Variants in MYT1L observed in about 807,000 individuals in gnomAD.
The protein encoded by MYT1L is myelin transcription factor 1-like protein.
In MYT1L, 12 loss-of-function variants were observed where a neutral mutation model predicts 126.7. That is an observed-to-expected ratio of 0.09 (90% confidence interval 0.06 to 0.15). The LOEUF (loss-of-function observed/expected upper bound fraction) is 0.15, where lower values mean the gene tolerates loss of function less well. Ranked by LOEUF, MYT1L falls within the 10% of genes least tolerant of loss-of-function variation. The pLI is 1.00. For synonymous variants in MYT1L, 541 were observed against 604.2 expected (o/e 0.90, Z 1.53); for missense variants, 979 against 1,585.2 (o/e 0.62, Z 6.49).
chr2:1,993,977 T>C lies in MYT1L; in HGVS notation c.-1+3214A>G, dbSNP rs146455934. 5.6e-3 allele frequency among the ~76,000 whole-genome samples: 846 copies of C among 152,380 alleles called. 6 individuals carry two copies. Among genetic ancestry groups the C allele is most frequent in the African/African-American group, 0.019 (795 of 41,594 alleles). ...TTTTCACATTTTTCACATTGATTCA[T>C]AATAGCTGTCTGTACACTGCGGTGC... On this transcript the variant is annotated intron_variant, in intron 5 of 24. Transcript: ENST00000647738.
chr2:1,886,119 G>C (rs2048141198), intron 18 of MYT1L: 2 of 154,470 alleles, frequency 1.3e-5, no homozygotes, highest in Admixed American at 6.5e-5. Context: ...TAGCTATTAT[G>C]ATGGTAGATT....
Position 1,801,851 on chromosome 2 carries a change from AG to A in MYT1L, c.3173-53del. 1 of 1,190,708 alleles carries A rather than the reference AG, an allele frequency of 8.4e-7. No homozygotes were observed. The highest frequency in any genetic ancestry group is 1.2e-6 in the Non-Finnish European group (1 of 839,700). The allele number at this position is 1,190,708 out of a possible 1,614,324, so 73.8% of individuals were successfully genotyped here. A position where few individuals can be genotyped will look rare whatever the true frequency, so the allele number is the denominator to read the frequency against. On this transcript the variant is annotated intron_variant, in intron 22 of 24. Transcript: ENST00000647738. This position sits in a 1 kb window ranked among gnomAD's most constrained non-coding sequence, Gnocchi z 4.2. ...AAACTGTTATATACAAAAATATTAG[AG>A]TTAGAATTTTGGGAGCTTTCTTTGT...
At chr2:2,245,340 A>G (rs549313361) in intron 2 of MYT1L, among the ~76,000 whole-genome samples, 16 of 151,768 alleles carry the variant, frequency 1.1e-4, no homozygotes, top group Admixed American at 2.0e-4. Flanking sequence ...AAGGAGGTAG[A>G]CCATCCCGAG....
At chr2:2,161,744 G>A (rs1390454820) in intron 3 of MYT1L, among the ~76,000 whole-genome samples, 1 of 152,178 alleles carries the variant, frequency 6.6e-6, no homozygotes, top group African/African-American at 2.4e-5. Context: ...GGATGCATCA[G>A]CTCAGTGAAT....
rs185503113 is a variant in MYT1L at position 2,279,213 on chromosome 2, A to T, written c.-421+5191T>A. Among the ~76,000 whole-genome samples, 4 of 152,344 alleles carry T rather than the reference A, an allele frequency of 2.6e-5. No individual in the cohort carries two copies. In the East Asian group the frequency reaches 5.8e-4, roughly 22 times the overall value. On this transcript the variant is annotated intron_variant, in intron 2 of 24. Transcript: ENST00000647738. The stretch of plus-strand genomic sequence containing the variant: ...CACTATGAAGTTCTGGGTACAGAGG[A>T]CAAAACTCCCTTGGTTTTATGGTTT...
chr2:2,246,472 A>G (rs140215727), intron 2 of MYT1L, among the ~76,000 whole-genome samples: 34 of 152,300 alleles, frequency 2.2e-4, no homozygotes, highest in African/African-American at 6.7e-4. Flanking sequence ...TAGACCTTTT[A>G]TAAACCCCAA....
rs1004335746 is a variant in MYT1L, at chr2:1,793,692, C to T, written c.3277-1228G>A. Among the ~76,000 whole-genome samples, 13 of 152,198 alleles carry T rather than the reference C, an allele frequency of 8.5e-5. No individual in the cohort carries two copies. The highest frequency in any genetic ancestry group is 6.5e-4 in the Admixed American group (10 of 15,290). On this transcript the variant is annotated intron_variant, in intron 23 of 24. Transcript: ENST00000647738. The surrounding 1 kb of genome is among the most constrained non-coding windows in gnomAD (Gnocchi z 4.6). ...GGCCGGCCTTCTCCTTGGAAGGAAT[C>T]GCAGCCCCCACCATTCCTGCAGGGA... is the stretch of plus-strand genomic sequence containing the variant.
chr2:2,086,509 C>G (rs1398505030), intron 3 of MYT1L, among the ~76,000 whole-genome samples: 1 of 152,148 alleles, frequency 6.6e-6, no homozygotes, highest in Admixed American at 6.5e-5. Flanking sequence ...CCCATTTGTT[C>G]TACCATTTTA....
chr2:1,845,989 C>T (rs574671267), intron 19 of MYT1L, among the ~76,000 whole-genome samples: 5 of 152,354 alleles, frequency 3.3e-5, no homozygotes, highest in Admixed American at 2.0e-4. Flanking sequence ...GGCTCCAACC[C>T]ACCCTGCCTT....
Position 1,910,007 on chromosome 2 carries a change from CT to C in MYT1L, c.1817+232del. 6.6e-6 allele frequency among the ~76,000 whole-genome samples: 1 copy of C among 152,336 alleles called. No homozygotes were observed. The highest frequency in any genetic ancestry group is 1.9e-4 in the East Asian group (1 of 5,168). On this transcript the variant is annotated intron_variant, in intron 13 of 24. Coordinates refer to ENST00000647738, the MANE Select transcript of MYT1L (RefSeq NM_001303052.2). The surrounding 1 kb of genome is among the most constrained non-coding windows in gnomAD (Gnocchi z 4.8). ...ACCAGAAATGATTTCCTCCAATTCTCTCATGTAAATTGTCACAGCGAATCCG... is the reference window on the plus strand; with the variant it reads ...ACCAGAAATGATTTCCTCCAATTCTCCATGTAAATTGTCACAGCGAATCCG...
intron 2 of MYT1L, among the ~76,000 whole-genome samples, chr2:2,204,778 T>C (rs903683611): frequency 3.3e-4 from 50 of 151,950 alleles, no homozygotes; most frequent in African/African-American, 9.4e-4. Flanking sequence ...ACCCAAAGGA[T>C]TATAAATCAT....
intron 3 of MYT1L, among the ~76,000 whole-genome samples, chr2:2,099,182 T>G (rs2077763332): frequency 6.6e-6 from 1 of 152,182 alleles, no homozygotes; most frequent in Admixed American, 6.5e-5. Context: ...AGATGATCAG[T>G]CCCAGAATGT....
intron 3 of MYT1L, among the ~76,000 whole-genome samples, chr2:2,113,111 C>T (rs2079696668): frequency 6.6e-6 from 1 of 152,174 alleles, no homozygotes; most frequent in South Asian, 2.1e-4. Flanking sequence ...AAGCAGATTC[C>T]TAATAACCTT....
At chr2:2,288,813 T>G (rs1373828960) in intron 1 of MYT1L, among the ~76,000 whole-genome samples, 1 of 152,216 alleles carries the variant, frequency 6.6e-6, no homozygotes, top group Non-Finnish European at 1.5e-5. Flanking sequence ...CACATACACA[T>G]GTTCAGCTTG....
At chr2:2,308,414 A>G (rs577958813) in intron 1 of MYT1L, among the ~76,000 whole-genome samples, 1 of 151,074 alleles carries the variant, frequency 6.6e-6, no homozygotes, top group Admixed American at 6.6e-5. Flanking sequence ...AACTACCTAT[A>G]CTTCACCTAC....
At chr2:2,102,456 C>T (rs901240413) in intron 3 of MYT1L, among the ~76,000 whole-genome samples, 4 of 152,062 alleles carry the variant, frequency 2.6e-5, no homozygotes, top group African/African-American at 9.7e-5. Context: ...TGCCGAATTC[C>T]AAGCCCTCTT....
Position 1,912,100 on chromosome 2 carries a change from C to A in MYT1L, c.1629G>T (p.Met543Ile). Residue 543 changes from methionine (M) to isoleucine (I), a missense_variant, in exon 12 of 25, where the codon ATG (methionine) becomes ATT (isoleucine). Coordinates refer to ENST00000647738, the MANE Select transcript of MYT1L (RefSeq NM_001303052.2). The surrounding 1 kb of genome is among the most constrained non-coding windows in gnomAD (Gnocchi z 4.3). ...KDRVPPEILAMHESVLKCPTP... is the reference protein window; with the variant it reads ...KDRVPPEILAIHESVLKCPTP... ...TGGGGCACTTGAGGACACTTTCATG[C>A]ATGGCAAGGACTTGACAGGGAGAGG... 6.3e-7 allele frequency: 1 copy of A among 1,580,024 alleles called. No individual in the cohort carries two copies.
In MYT1L at chr2:2,105,689, T is replaced by C. The variant is rs150023817; in HGVS notation, c.-303-51566A>G. 4.0e-3 allele frequency among the ~76,000 whole-genome samples: 611 copies of C among 152,320 alleles called. 2 individuals are homozygous for C. Among genetic ancestry groups the C allele is most frequent in the African/African-American group, 0.014 (590 of 41,572 alleles). ...GTCATACGTTCACAAAAATTTCTTATAAATTACTGGTATGCATTTTTATAT... is the reference window on the plus strand; with the variant it reads ...GTCATACGTTCACAAAAATTTCTTACAAATTACTGGTATGCATTTTTATAT... On this transcript the variant is annotated intron_variant, in intron 3 of 24. Coordinates refer to ENST00000647738, the MANE Select transcript of MYT1L (RefSeq NM_001303052.2).
At chr2:1,846,915 G>T (rs1572821078) in intron 19 of MYT1L, among the ~76,000 whole-genome samples, 1 of 152,328 alleles carries the variant, frequency 6.6e-6, no homozygotes. Flanking sequence ...CTCCAAGGCA[G>T]ACTTGCTCCT....
Sources: allele counts gnomAD v4.1 joint callset (sites outside exome capture counted in the v4.1 genomes callset), GRCh38; gene constraint gnomAD v4.1.1; non-coding constraint Gnocchi (gnomAD v3.1); transcripts MANE v1.5; gene names NCBI Gene and HGNC (gene_info 2026-07-23, HGNC 2026-07-21).